Variants in GPN3 observed in about 807,000 individuals in gnomAD.
GPN3 encodes ATP-binding domain 1 family member C.
In GPN3, 31 loss-of-function variants were observed where a neutral mutation model predicts 38.7. The observed-to-expected ratio is 0.80, with a 90% CI of 0.60 to 1.08. The LOEUF (loss-of-function observed/expected upper bound fraction) is 1.08. GPN3 is among the 50% of genes least tolerant of loss of function. The pLI, the probability that GPN3 is intolerant of heterozygous loss-of-function variation, is 0.00. For synonymous variants in GPN3, 116 were observed against 120.2 expected (o/e 0.96, Z 0.23); for missense variants, 301 against 354.4 (o/e 0.85, Z 1.21).
chr12:110,465,056 C>T, intron 2 of GPN3, 50 bp downstream of exon 2: 2 of 949,676 alleles, frequency 2.1e-6, no homozygotes, highest in Non-Finnish European at 3.5e-6. Context: ...CACTGCCTCC[C>T]CAGCCCTTAC....
intron 6 of GPN3, among the ~76,000 whole-genome samples, 187 bp from the exon 7 acceptor site, chr12:110,454,058 T>C (rs1389241508): frequency 2.0e-5 from 3 of 152,242 alleles, no homozygotes; most frequent in Admixed American, 2.0e-4. Flanking sequence ...ACTTCTGATC[T>C]GCTAGAACAC....
intron 1 of GPN3, 67 bp downstream of exon 1, chr12:110,468,089 C>G (rs1285143113): frequency 6.2e-7 from 1 of 1,613,346 alleles, no homozygotes; most frequent in Non-Finnish European, 8.5e-7. Flanking sequence ...GGCTCACTCC[C>G]TCAGGACCCA....
At chr12:110,454,647 C>A (rs2062537223) in intron 6 of GPN3, among the ~76,000 whole-genome samples, 1 of 151,226 alleles carries the variant, frequency 6.6e-6, no homozygotes, top group Admixed American at 6.6e-5. Context: ...CCACTGCACA[C>A]CTGGCGCCCT....
intron 1 of GPN3, 80 bp from the exon 2 acceptor site, chr12:110,465,294 A>G: frequency 2.4e-6 from 2 of 841,668 alleles, no homozygotes; most frequent in East Asian, 2.4e-5. Flanking sequence ...ACTATCCACT[A>G]AGGTCAAAAC....
intron 4 of GPN3, among the ~76,000 whole-genome samples, chr12:110,456,938 T>C (rs918498377): frequency 2.0e-5 from 3 of 152,076 alleles, no homozygotes; most frequent in Non-Finnish European, 4.4e-5. Context: ...GCTCAAGCAA[T>C]CCTCCTGCCT....
upstream of GPN3, chr12:110,468,415 G>T: frequency 6.5e-7 from 1 of 1,532,824 alleles, no homozygotes; most frequent in Non-Finnish European, 8.7e-7. Context: ...GGATTTGCGC[G>T]TGCGCAAAAG....
intron 2 of GPN3, among the ~76,000 whole-genome samples, chr12:110,464,606 T>G (rs1361008879): frequency 6.6e-6 from 1 of 150,744 alleles, no homozygotes; most frequent in African/African-American, 2.4e-5. Flanking sequence ...TTTTTTTTTT[T>G]TTTTGAGATG....
rs570128312 is a variant in GPN3, at chr12:110,458,218, C to T, written c.326-584G>A. Among the ~76,000 whole-genome samples the T allele has an allele frequency of 2.0e-5, 3 of 149,840 alleles. No homozygotes were observed. The South Asian group carries it at 6.4e-4, about 32-fold the overall frequency. On this transcript the variant is annotated intron_variant, in intron 3 of 7. Coordinates refer to ENST00000228827, the MANE Select transcript of GPN3 (RefSeq NM_016301.4). This position sits in a 1 kb window ranked among gnomAD's most constrained non-coding sequence, Gnocchi z 4.4. The stretch of plus-strand genomic sequence containing the variant: ...TATTGGCCAGATGCCATGGTTCACA[C>T]ACCTGTAATCCCAGCACTTTGGGAG...
chr12:110,465,048 C>T, intron 2 of GPN3, 58 bp downstream of exon 2: 1 of 883,186 alleles, frequency 1.1e-6, no homozygotes, highest in South Asian at 1.3e-5. Context: ...CTAGTACTCA[C>T]TGCCTCCCCA....
chr12:110,457,888 G>A (rs2062561528), intron 3 of GPN3, among the ~76,000 whole-genome samples: 1 of 152,104 alleles, frequency 6.6e-6, no homozygotes, highest in Non-Finnish European at 1.5e-5. Flanking sequence ...AGCACTTTGG[G>A]AGGCTGTGGC....
At chr12:110,461,584 A>T (rs1240665000) in intron 2 of GPN3, among the ~76,000 whole-genome samples, 2 of 152,026 alleles carry the variant, frequency 1.3e-5, no homozygotes, top group East Asian at 3.9e-4. Flanking sequence ...TGGGTGGCAG[A>T]GAGAGACTGT....
intron 4 of GPN3, 53 bp from the exon 5 acceptor site, chr12:110,455,983 C>G: frequency 2.2e-6 from 2 of 924,810 alleles, no homozygotes; most frequent in Non-Finnish European, 3.6e-6. Context: ...CAACAGTTAC[C>G]TGGTCTGCAT....
rs1296556470 is a variant in GPN3, at chr12:110,456,350, A to G, written c.451-420T>C. Among the ~76,000 whole-genome samples, 5 of 147,782 alleles carry G rather than the reference A, an allele frequency of 3.4e-5. No homozygotes were observed. In the East Asian group the frequency reaches 7.7e-4, roughly 23 times the overall value. On this transcript the variant is annotated intron_variant, in intron 4 of 7. Transcript: ENST00000228827. The stretch of plus-strand genomic sequence containing the variant: ...GTCTCAAAAAAAAAAAAAAAAAAAA[A>G]GAAATGCCAGTTCAGAACATGTGGA...
At chr12:110,456,329 CA>C (rs59734369) in intron 4 of GPN3, among the ~76,000 whole-genome samples, 17,430 of 67,148 alleles carry the variant, frequency 0.26, 959 homozygotes, top group African/African-American at 0.41. Flanking sequence ...AACTTGGTCT[CA>C]AAAAAAAAAA....
chr12:110,460,128 T>A (rs1387006541), intron 2 of GPN3, among the ~76,000 whole-genome samples: 1 of 152,222 alleles, frequency 6.6e-6, no homozygotes, highest in African/African-American at 2.4e-5. Flanking sequence ...CTAGGTATAT[T>A]GTTCAGTGAA....
At chr12:110,454,397 T>C (rs1247506263) in intron 6 of GPN3, among the ~76,000 whole-genome samples, 1 of 151,648 alleles carries the variant, frequency 6.6e-6, no homozygotes, top group East Asian at 1.9e-4. Context: ...TCTTTTTTTT[T>C]TTTTTTGGGG....
At chr12:110,464,681 C>T (rs1233345870) in intron 2 of GPN3, 2 of 164,260 alleles carry the variant, frequency 1.2e-5, no homozygotes, top group African/African-American at 2.4e-5. Flanking sequence ...CAACCTCTGT[C>T]TCCTGGGTTC....
chr12:110,466,998 C>CTT (rs113752739), intron 1 of GPN3, among the ~76,000 whole-genome samples: 1 of 142,836 alleles, frequency 7.0e-6, no homozygotes, highest in Non-Finnish European at 1.5e-5. Flanking sequence ...CACACTTCTT[C>CTT]TTTTTTTTTT....
At chr12:110,457,457 C>CAA (rs56713819) in intron 4 of GPN3, 53 bp downstream of exon 4, 1,945 of 590,056 alleles carry the variant, frequency 3.3e-3, no homozygotes, top group South Asian at 4.6e-3. Context: ...GTCACACACA[C>CAA]AAAAAAAAAA....
Sources: gnomAD v4.1 joint callset for allele counts (sites outside exome capture counted in the v4.1 genomes callset) on GRCh38, gnomAD v4.1.1 for gene constraint, Gnocchi (gnomAD v3.1) non-coding constraint, MANE v1.5 for transcripts, NCBI Gene and HGNC (gene_info 2026-07-23, HGNC 2026-07-21) for gene names.